DCC: variants seen among roughly 807,000 people sequenced by gnomAD.
DCC encodes the protein DCC netrin 1 receptor.
In DCC, 58 loss-of-function variants were observed where a neutral mutation model predicts 172.5. The ratio of observed to expected loss-of-function variants is 0.34; its 90% CI spans 0.27 to 0.42. DCC has a LOEUF of 0.42. Among genes scored for constraint, DCC ranks in the 10% least tolerant of loss-of-function variants. DCC has a pLI of 1.00. For synonymous variants in DCC, 709 were observed against 644.5 expected (o/e 1.10, Z -1.52); for missense variants, 1,740 against 1,791.0 (o/e 0.97, Z 0.51).
chr18:53,227,780 T>G (rs2056057550), intron 12 of DCC, among the ~76,000 whole-genome samples: 1 of 152,184 alleles, frequency 6.6e-6, no homozygotes, highest in African/African-American at 2.4e-5. Context: ...TTTTTTGTAG[T>G]AATGCAAGGT....
chr18:52,762,472 CAAAA>C (rs10545448), intron 2 of DCC, among the ~76,000 whole-genome samples: 4 of 139,444 alleles, frequency 2.9e-5, no homozygotes, highest in African/African-American at 7.8e-5. Flanking sequence ...GACCTTATCT[CAAAA>C]AAAAAAAAAC....
chr18:52,691,260 A>G (rs1599022203), intron 1 of DCC, among the ~76,000 whole-genome samples: 1 of 152,212 alleles, frequency 6.6e-6, no homozygotes, highest in East Asian at 1.9e-4. Flanking sequence ...CTGTGTTTAG[A>G]GATCACCCTG....
intron 1 of DCC, among the ~76,000 whole-genome samples, chr18:52,394,566 C>T (rs532114880): frequency 6.6e-6 from 1 of 152,090 alleles, no homozygotes; most frequent in South Asian, 2.1e-4. Flanking sequence ...TGTGAGCCAC[C>T]ACACCTAGCC....
intron 22 of DCC, among the ~76,000 whole-genome samples, chr18:53,443,948 A>T (rs1355955797): frequency 6.6e-6 from 1 of 152,240 alleles, no homozygotes; most frequent in Admixed American, 6.5e-5. Flanking sequence ...CAATCTCATG[A>T]TAAAATTTTA....
At chr18:52,871,875 A>C (rs2039324568) in intron 2 of DCC, among the ~76,000 whole-genome samples, 1 of 152,142 alleles carries the variant, frequency 6.6e-6, no homozygotes. Flanking sequence ...ATTAATCAAG[A>C]TTTTGCAGAG....
chr18:52,966,223 G>T (rs1041535036), intron 5 of DCC, among the ~76,000 whole-genome samples: 10 of 152,150 alleles, frequency 6.6e-5, no homozygotes, highest in Admixed American at 6.6e-4. Flanking sequence ...GCATGGTCAT[G>T]AATAAAGAGA....
chr18:52,725,098 T>C (rs9958731), intron 1 of DCC, among the ~76,000 whole-genome samples: 56,513 of 152,036 alleles, frequency 0.37, 10,675 homozygotes, highest in Admixed American at 0.43. Flanking sequence ...AATCAGAGTC[T>C]GTCATGATTG....
At chr18:52,611,311 C>T (rs1441117077) in intron 1 of DCC, among the ~76,000 whole-genome samples, 2 of 152,164 alleles carry the variant, frequency 1.3e-5, no homozygotes, top group African/African-American at 4.8e-5. Context: ...TCAGTTCTCA[C>T]ATCTAGTAGA....
At position 53,399,773 on chromosome 18, in the gene DCC, C is replaced by T. The variant is rs1466132438; in HGVS notation, c.2827+2327C>T. Among the ~76,000 whole-genome samples, 8 of 7,676 alleles carry T rather than the reference C, an allele frequency of 1.0e-3. 4 individuals carry two copies. The highest frequency in any genetic ancestry group is 8.4e-4 in the African/African-American group (6 of 7,172). 5.0% of individuals were successfully genotyped at this position (7,676 alleles called of 152,430 possible). The stretch of plus-strand genomic sequence containing the variant: ...CAAAAAAATTAGCCGGGCGTAGTGG[C>T]GGGCGCCTGTAGTCCCAGCTACTTG... On this transcript the variant is annotated intron_variant, in intron 18 of 28. Transcript: ENST00000442544.
chr18:52,945,775 G>T (rs934593129), intron 5 of DCC, among the ~76,000 whole-genome samples: 3 of 152,068 alleles, frequency 2.0e-5, no homozygotes, highest in Admixed American at 6.6e-5. Flanking sequence ...TCAACCATGG[G>T]TCACAAACTG....
chr18:52,920,582 T>G (rs2040108737), intron 3 of DCC, among the ~76,000 whole-genome samples: 1 of 152,080 alleles, frequency 6.6e-6, no homozygotes, highest in Non-Finnish European at 1.5e-5. Context: ...TTTTTGCTGG[T>G]GGCAATGAAA....
At chr18:52,470,027 A>G (rs190110864) in intron 1 of DCC, among the ~76,000 whole-genome samples, 4 of 152,380 alleles carry the variant, frequency 2.6e-5, no homozygotes, top group East Asian at 1.9e-4. Flanking sequence ...GAGAAAACAC[A>G]TGGGATTTGT....
At chr18:52,940,281 G>T (rs1459317608) in intron 5 of DCC, among the ~76,000 whole-genome samples, 1 of 152,072 alleles carries the variant, frequency 6.6e-6, no homozygotes, top group East Asian at 1.9e-4. Context: ...TAAGGGAGGG[G>T]CATCATGATA....
intron 5 of DCC, among the ~76,000 whole-genome samples, chr18:53,028,576 T>G (rs1242234794): frequency 6.6e-6 from 1 of 152,218 alleles, no homozygotes; most frequent in Non-Finnish European, 1.5e-5. Flanking sequence ...TCAGGCTAGT[T>G]TAATTCTTTT....
At chr18:53,371,370 G>T (rs2058058722) in intron 15 of DCC, among the ~76,000 whole-genome samples, 1 of 151,976 alleles carries the variant, frequency 6.6e-6, no homozygotes, top group Non-Finnish European at 1.5e-5. Flanking sequence ...AGTTTTCAAA[G>T]AAGTGGGACT....
At chr18:52,794,184 A>T (rs77295098) in intron 2 of DCC, among the ~76,000 whole-genome samples, 6,550 of 152,094 alleles carry the variant, frequency 0.043, 219 homozygotes, top group South Asian at 0.16. Context: ...TCTCTTGAGA[A>T]CGTCGTTGGT....
At chr18:53,521,534 TG>T (rs1216324675) in intron 27 of DCC, among the ~76,000 whole-genome samples, 1 of 152,174 alleles carries the variant, frequency 6.6e-6, no homozygotes, top group Non-Finnish European at 1.5e-5. Flanking sequence ...GTACATGTTA[TG>T]GAATTATATA....
At chr18:53,204,434 C>A (rs1323847862) in intron 9 of DCC, among the ~76,000 whole-genome samples, 1 of 151,870 alleles carries the variant, frequency 6.6e-6, no homozygotes, top group Non-Finnish European at 1.5e-5. Flanking sequence ...GTAGTCCTAC[C>A]TATTCAGGAA....
At chr18:53,488,513 C>CT (rs1033284349) in intron 26 of DCC, among the ~76,000 whole-genome samples, 1 of 152,012 alleles carries the variant, frequency 6.6e-6, no homozygotes, top group African/African-American at 2.4e-5. Context: ...TTTCTTGTCC[C>CT]TTTTTTTAAA....
Sources: allele counts gnomAD v4.1 joint callset (sites outside exome capture counted in the v4.1 genomes callset), GRCh38; gene constraint gnomAD v4.1.1; transcripts MANE v1.5; gene names NCBI Gene and HGNC (gene_info 2026-07-23, HGNC 2026-07-21).